The following PICALM variants were observed in gnomAD, a reference collection of about 807,000 sequenced individuals.
PICALM encodes phosphatidylinositol binding clathrin assembly protein, also known as phosphatidylinositol-binding clathrin assembly protein.
A neutral mutation model predicts 80.5 loss-of-function variants in PICALM; 40 were observed. The ratio of observed to expected loss-of-function variants is 0.50; its 90% CI spans 0.39 to 0.65. The LOEUF (loss-of-function observed/expected upper bound fraction) is 0.65, where lower values mean the gene tolerates loss of function less well. Among genes scored for constraint, PICALM ranks in the 30% least tolerant of loss-of-function variants. PICALM has a pLI of 0.00. For missense variants in PICALM, 676 were observed against 778.9 expected (o/e 0.87, Z 1.57); for synonymous variants, 288 against 260.3 (o/e 1.11, Z -1.02).
At chr11:85,966,210 G>A (rs182787712) in intron 19 of PICALM, among the ~76,000 whole-genome samples, 7 of 150,480 alleles carry the variant, frequency 4.7e-5, no homozygotes, top group Admixed American at 4.6e-4. Flanking sequence ...CTCTAAAACT[G>A]TTTTTCCCCC....
At chr11:86,007,494 A>C in intron 8 of PICALM, 48 bp downstream of exon 8, 3 of 1,078,572 alleles carry the variant, frequency 2.8e-6, no homozygotes, top group Non-Finnish European at 4.3e-6. Context: ...TACTCTTCAC[A>C]ACTTGTACAC....
At chr11:86,024,465 A>G (rs1280439785) in intron 3 of PICALM, among the ~76,000 whole-genome samples, 1 of 146,720 alleles carries the variant, frequency 6.8e-6, no homozygotes, top group African/African-American at 2.5e-5. Flanking sequence ...TTACACCTCC[A>G]GAAGAACCAC....
intron 17 of PICALM, among the ~76,000 whole-genome samples, chr11:85,979,480 A>C (rs1248215441): frequency 1.1e-4 from 16 of 149,706 alleles, no homozygotes; most frequent in African/African-American, 3.2e-4. Flanking sequence ...AAAGAGCAAG[A>C]CTCCGTCACA....
intron 1 of PICALM, among the ~76,000 whole-genome samples, chr11:86,052,900 C>G (rs2096212815): frequency 6.6e-6 from 1 of 152,234 alleles, no homozygotes; most frequent in African/African-American, 2.4e-5. Context: ...GTTCCTCAAA[C>G]ACAATTTCAG....
rs115956652 is a variant in PICALM at position 86,038,084 on chromosome 11, T to C, written c.131-6473A>G. Among the ~76,000 whole-genome samples, 246 of 152,284 alleles carry C rather than the reference T, an allele frequency of 1.6e-3. 1 individual carries two copies. The highest frequency in any genetic ancestry group is 5.6e-3 in the African/African-American group (231 of 41,572). ...CCTATAATCCCAACACTATGGAAAG[T>C]TGAGGCAGGTAGATCACTTGAGGTC... is the stretch of plus-strand genomic sequence containing the variant. On this transcript the variant is annotated intron_variant, in intron 1 of 19. Coordinates refer to ENST00000393346, the MANE Select transcript of PICALM (RefSeq NM_007166.4).
intron 2 of PICALM, among the ~76,000 whole-genome samples, chr11:86,028,782 A>T (rs920227864): frequency 8.6e-5 from 13 of 151,802 alleles, no homozygotes; most frequent in African/African-American, 3.1e-4. Context: ...TCTGACACTG[A>T]ATCAGGTAAT....
chr11:86,065,633 T>C (rs1215374436), intron 1 of PICALM, among the ~76,000 whole-genome samples: 1 of 152,178 alleles, frequency 6.6e-6, no homozygotes, highest in Non-Finnish European at 1.5e-5. Flanking sequence ...TAAGGGCTGC[T>C]ATTCCTCTAC....
At chr11:85,967,122 C>T (rs2093928092) in intron 19 of PICALM, among the ~76,000 whole-genome samples, 1 of 152,092 alleles carries the variant, frequency 6.6e-6, no homozygotes, top group Non-Finnish European at 1.5e-5. Flanking sequence ...ACTCTGCTAT[C>T]CCAATTAATT....
intron 1 of PICALM, among the ~76,000 whole-genome samples, chr11:86,062,045 T>C (rs1170236848): frequency 6.6e-6 from 1 of 152,032 alleles, no homozygotes; most frequent in Admixed American, 6.5e-5. Flanking sequence ...AACTATGACA[T>C]CTTGAAAAGG....
upstream of PICALM, chr11:86,069,248 GA>G (rs2096487793): frequency 1.1e-5 from 2 of 177,536 alleles, no homozygotes; most frequent in African/African-American, 2.4e-5. Context: ...CGCGTTACGT[GA>G]TGGAACTCGC....
Position 86,037,811 on chromosome 11 carries a change from T to C in PICALM, c.131-6200A>G, listed in dbSNP as rs560013616. On this transcript the variant is annotated intron_variant, in intron 1 of 19. Transcript: ENST00000393346. ...CCAAAATGACTTAGCAACTATGTCA[T>C]ATATGAAGTTAGAGAAAAATAATTT... Among the ~76,000 whole-genome samples the C allele has an allele frequency of 3.9e-4, 60 of 152,288 alleles. 1 individual carries two copies. In the South Asian group the frequency reaches 0.012, roughly 31 times the overall value.
Position 85,960,717 on chromosome 11 carries a change from AG to A in PICALM, c.1945-1658del. On this transcript the variant is annotated intron_variant, in intron 19 of 19. Coordinates refer to ENST00000393346, the MANE Select transcript of PICALM (RefSeq NM_007166.4). ...AAATCCTCCAAAGAGAGCTCTGCAA[AG>A]GGGTCCTTTCCTGAAGCTCTGTGAG... The A allele has an allele frequency of 2.3e-6, 3 of 1,320,182 alleles. No individual in the cohort carries two copies. The African/African-American group carries it at 4.5e-5, about 20-fold the overall frequency. 81.8% of individuals were successfully genotyped at this position (1,320,182 alleles called of 1,614,324 possible).
chr11:86,050,271 A>C (rs568758098), intron 1 of PICALM, among the ~76,000 whole-genome samples: 173 of 149,754 alleles, frequency 1.2e-3, no homozygotes, highest in East Asian at 2.1e-3. Flanking sequence ...AGGCCCCCCC[A>C]AAAAAAAAGC....
At chr11:85,985,595 T>C (rs2094550997) in intron 13 of PICALM, among the ~76,000 whole-genome samples, 1 of 152,212 alleles carries the variant, frequency 6.6e-6, no homozygotes, top group Non-Finnish European at 1.5e-5. Context: ...ATCCTAGACT[T>C]ACCAATTTAA....
At chr11:86,063,707 T>C (rs1384538550) in intron 1 of PICALM, among the ~76,000 whole-genome samples, 2 of 152,194 alleles carry the variant, frequency 1.3e-5, no homozygotes, top group Non-Finnish European at 2.9e-5. Flanking sequence ...TACTCATTAC[T>C]ACCACTTTGA....
intron 17 of PICALM, among the ~76,000 whole-genome samples, chr11:85,980,212 T>C (rs1288358735): frequency 6.6e-6 from 1 of 152,176 alleles, no homozygotes; most frequent in African/African-American, 2.4e-5. Context: ...CACTCTGCCT[T>C]GGTTCAGCTC....
At chr11:86,004,513 G>GT (rs538063701) in intron 8 of PICALM, among the ~76,000 whole-genome samples, 188 of 144,924 alleles carry the variant, frequency 1.3e-3, no homozygotes, top group Admixed American at 1.9e-3. Context: ...GAATACTTAC[G>GT]TTTTTTTTTT....
intron 1 of PICALM, among the ~76,000 whole-genome samples, chr11:86,036,740 T>C (rs907097487): frequency 1.3e-5 from 2 of 151,892 alleles, no homozygotes; most frequent in African/African-American, 4.8e-5. Flanking sequence ...CAGGAGAAAA[T>C]GTTCACCACA....
intron 12 of PICALM, among the ~76,000 whole-genome samples, chr11:85,991,255 A>G (rs910916946): frequency 6.6e-6 from 1 of 152,180 alleles, no homozygotes; most frequent in African/African-American, 2.4e-5. Flanking sequence ...CAAAAATAGT[A>G]TAATTTTTTC....
Sources: gnomAD v4.1 joint callset for allele counts (sites outside exome capture counted in the v4.1 genomes callset) on GRCh38, gnomAD v4.1.1 for gene constraint, MANE v1.5 for transcripts, NCBI Gene and HGNC (gene_info 2026-07-23, HGNC 2026-07-21) for gene names.